LDB3: variants seen among roughly 807,000 people sequenced by gnomAD.
LDB3 encodes LIM domain binding 3, also known as LIM domain-binding protein 3.
In LDB3, 49 loss-of-function variants were observed where a neutral mutation model predicts 69.0. That is an observed-to-expected ratio of 0.71 (90% confidence interval 0.56 to 0.90). The LOEUF (loss-of-function observed/expected upper bound fraction) is 0.90. LDB3 is among the 40% of genes least tolerant of loss of function. The pLI, the probability that LDB3 is intolerant of heterozygous loss-of-function variation, is 0.00. For missense variants in LDB3, 928 were observed against 974.1 expected (o/e 0.95, Z 0.63); for synonymous variants, 387 against 396.2 (o/e 0.98, Z 0.28).
At chr10:86,687,560 A>G (rs1845551282) in intron 5 of LDB3, among the ~76,000 whole-genome samples, 1 of 152,264 alleles carries the variant, frequency 6.6e-6, no homozygotes, top group Non-Finnish European at 1.5e-5. Context: ...AGGAGGCTGG[A>G]AGAAGAGACT....
chr10:86,685,051 GC>G (rs911718359), intron 5 of LDB3, among the ~76,000 whole-genome samples: 1 of 152,156 alleles, frequency 6.6e-6, no homozygotes, highest in Non-Finnish European at 1.5e-5. Flanking sequence ...TTTAGGAGTG[GC>G]CCCTGGTGAC....
chr10:86,672,494 C>T (rs1446638675), intron 2 of LDB3, among the ~76,000 whole-genome samples: 2 of 152,324 alleles, frequency 1.3e-5, no homozygotes, highest in East Asian at 3.9e-4. Context: ...CCTGGAATTT[C>T]GGGGCCGCTG....
chr10:86,675,192 G>A (rs1051257647), intron 2 of LDB3, among the ~76,000 whole-genome samples: 2 of 149,508 alleles, frequency 1.3e-5, no homozygotes, highest in Non-Finnish European at 3.0e-5. Context: ...GCATCCCCCC[G>A]GCCCATACCT....
At chr10:86,721,895 A>C (rs184238753) in intron 12 of LDB3, among the ~76,000 whole-genome samples, 45 of 152,336 alleles carry the variant, frequency 3.0e-4, no homozygotes, top group Admixed American at 1.9e-3. Flanking sequence ...TAGCAATAAA[A>C]TCCATTAAAT....
rs866748013 is a variant in LDB3, at chr10:86,734,385, C to T, written c.*1409C>T. Reference sequence around the variant, plus strand: ...TCTGTGGTTGGAAACAGTGTAGTCGCTTCCCTTTTTAGGAAGCCCTGTTAA... The same window carrying T: ...TCTGTGGTTGGAAACAGTGTAGTCGTTTCCCTTTTTAGGAAGCCCTGTTAA... On this transcript the variant is annotated 3_prime_UTR_variant, in exon 14 of 14. Coordinates refer to ENST00000361373, the MANE Select transcript of LDB3 (RefSeq NM_007078.3). 1 of 152,168 alleles carries T rather than the reference C, an allele frequency of 6.6e-6. No homozygotes were observed. Among genetic ancestry groups the T allele is most frequent in the Non-Finnish European group, 1.5e-5 (1 of 68,038 alleles). The allele number at this position is 152,168 out of a possible 1,614,324, so 9.4% of individuals were successfully genotyped here.
In LDB3 at chr10:86,699,239, T is replaced by TTCTCTCTC; in HGVS notation, c.896+6690_896+6697dup. ...TCTCTCTTTCTGTCTCTGTCTCTGT[T>TTCTCTCTC]TCTCTCTCTCTCTCTCTCTCTCTCT... is the stretch of plus-strand genomic sequence containing the variant. On this transcript the variant is annotated intron_variant, in intron 7 of 13. Coordinates refer to ENST00000361373, the MANE Select transcript of LDB3 (RefSeq NM_007078.3). The surrounding 1 kb of genome is among the most constrained non-coding windows in gnomAD (Gnocchi z 4.9). 2.6e-6 allele frequency: 4 copies of TTCTCTCTC among 1,562,048 alleles called. No individual in the cohort carries two copies. The highest frequency in any genetic ancestry group is 2.3e-5 in the East Asian group (1 of 44,002).
Position 86,681,664 on chromosome 10 carries a change from A to G in LDB3, c.550A>G (p.Lys184Glu), listed in dbSNP as rs774886148. The change falls in exon 5 of 14, where the codon AAA (lysine) becomes GAA (glutamate). Residue 184 changes from lysine (K) to glutamate (E), a missense_variant. Coordinates refer to ENST00000361373, the MANE Select transcript of LDB3 (RefSeq NM_007078.3). ...PEGARDLLGP[K>E]ALPGSSQPRQ... ...GGGGGCCCGGGACCTACTCGGCCCAAAAGCCCTGCCGGGCTCGAGCCAGCC... is the reference window on the plus strand; with the variant it reads ...GGGGGCCCGGGACCTACTCGGCCCAGAAGCCCTGCCGGGCTCGAGCCAGCC... 37 of 1,613,224 alleles carry G rather than the reference A, an allele frequency of 2.3e-5. No individual in the cohort carries two copies. In the Admixed American group the frequency reaches 6.0e-4, roughly 26 times the overall value.
chr10:86,703,174 T>C (rs1846323923), intron 7 of LDB3, among the ~76,000 whole-genome samples: 3 of 152,204 alleles, frequency 2.0e-5, no homozygotes, highest in Admixed American at 6.5e-5. Flanking sequence ...CTGTGCAGTG[T>C]CCTCATTTCC....
At chr10:86,709,662 G>A (rs1000351525) in intron 8 of LDB3, among the ~76,000 whole-genome samples, 2 of 152,164 alleles carry the variant, frequency 1.3e-5, no homozygotes, top group Non-Finnish European at 2.9e-5. Context: ...GGGTCTTCCC[G>A]GTGTCCTCCT....
upstream of LDB3, among the ~76,000 whole-genome samples, chr10:86,667,165 T>G (rs1462958920): frequency 6.6e-6 from 1 of 152,150 alleles, no homozygotes; most frequent in African/African-American, 2.4e-5. Flanking sequence ...TTTGTGACTT[T>G]GGGCAAGTGA....
chr10:86,732,978 C>A lies in LDB3; in HGVS notation c.*2C>A. The A allele has an allele frequency of 6.2e-7, 1 of 1,610,308 alleles. No homozygotes were observed. Among genetic ancestry groups the A allele is most frequent in the Non-Finnish European group, 8.5e-7 (1 of 1,177,468 alleles). ...CACGCACACACCATCAACTTGTAGG[C>A]GGCCAAGGCCGCCTGTGCTGACGAG... On this transcript the variant is annotated 3_prime_UTR_variant, in exon 14 of 14. Transcript: ENST00000361373.
intron 5 of LDB3, among the ~76,000 whole-genome samples, chr10:86,688,775 T>A (rs891523201): frequency 7.9e-5 from 12 of 152,302 alleles, no homozygotes; most frequent in Admixed American, 3.3e-4. Context: ...GGAAGTTCAA[T>A]GGAGAATAAT....
chr10:86,704,619 G>A (rs1397361936), intron 7 of LDB3, among the ~76,000 whole-genome samples: 3 of 137,454 alleles, frequency 2.2e-5, no homozygotes, highest in East Asian at 2.2e-4. Context: ...TCGCTCTGTC[G>A]CCCAGGCTGG....
intron 5 of LDB3, among the ~76,000 whole-genome samples, chr10:86,682,351 G>A (rs533520734): frequency 1.6e-4 from 25 of 152,262 alleles, no homozygotes; most frequent in Non-Finnish European, 3.1e-4. Flanking sequence ...GCAGGGAGCG[G>A]GTTTGCAGGA....
intron 13 of LDB3, among the ~76,000 whole-genome samples, chr10:86,727,629 G>A (rs1329561907): frequency 6.6e-6 from 1 of 152,134 alleles, no homozygotes; most frequent in Admixed American, 6.5e-5. Context: ...CAGTTCAGGA[G>A]GCCAGAAGTC....
At chr10:86,679,542 G>A in intron 3 of LDB3, 24 bp downstream of exon 3, 1 of 1,612,926 alleles carries the variant, frequency 6.2e-7, no homozygotes, top group Non-Finnish European at 8.5e-7. Flanking sequence ...CTCCAGAGCA[G>A]GGGGCGGAGG....
intron 7 of LDB3, among the ~76,000 whole-genome samples, chr10:86,700,815 T>G: frequency 6.6e-6 from 1 of 152,248 alleles, no homozygotes; most frequent in East Asian, 1.9e-4. Context: ...TACCCCATGA[T>G]GGCAAAGCTT....
At chr10:86,669,030 G>A (rs561072540) in intron 2 of LDB3, among the ~76,000 whole-genome samples, 42 of 145,032 alleles carry the variant, frequency 2.9e-4, no homozygotes, top group African/African-American at 1.1e-3. Context: ...AGAAAATGCT[G>A]AGTTTTCAGG....
intron 2 of LDB3, among the ~76,000 whole-genome samples, chr10:86,673,407 G>A (rs1159017470): frequency 6.6e-6 from 1 of 152,236 alleles, no homozygotes; most frequent in African/African-American, 2.4e-5. Context: ...GGGGCAGGAT[G>A]TGTGGGTCAC....
Sources: allele counts gnomAD v4.1 joint callset (sites outside exome capture counted in the v4.1 genomes callset), GRCh38; gene constraint gnomAD v4.1.1; non-coding constraint Gnocchi (gnomAD v3.1); transcripts MANE v1.5; gene names NCBI Gene and HGNC (gene_info 2026-07-23, HGNC 2026-07-21).